Variants in TGFBR3 observed in about 807,000 individuals in gnomAD.
TGFBR3 encodes the protein transforming growth factor beta receptor type 3.
A neutral mutation model predicts 87.9 loss-of-function variants in TGFBR3; 46 were observed. The observed-to-expected ratio is 0.52, with a 90% CI of 0.41 to 0.67. The LOEUF (loss-of-function observed/expected upper bound fraction) is 0.67, where lower values mean the gene tolerates loss of function less well. Among genes scored for constraint, TGFBR3 ranks in the 30% least tolerant of loss-of-function variants. TGFBR3 has a pLI of 0.00. For missense variants in TGFBR3, 866 were observed against 1,041.9 expected (o/e 0.83, Z 2.32); for synonymous variants, 381 against 391.6 (o/e 0.97, Z 0.32).
intron 16 of TGFBR3, among the ~76,000 whole-genome samples, chr1:91,686,291 C>A (rs1373068699): frequency 6.6e-6 from 1 of 152,222 alleles, no homozygotes; most frequent in Non-Finnish European, 1.5e-5. Context: ...GACCTTTCAA[C>A]TTCCCGAGTT....
intron 2 of TGFBR3, among the ~76,000 whole-genome samples, chr1:91,845,962 T>A (rs753354793): frequency 2.2e-4 from 34 of 152,334 alleles, no homozygotes; most frequent in Non-Finnish European, 4.7e-4. Context: ...TTTATTTAGT[T>A]AATGAAAGTT....
At chr1:91,770,080 T>C (rs1336019171) in intron 3 of TGFBR3, among the ~76,000 whole-genome samples, 2 of 152,196 alleles carry the variant, frequency 1.3e-5, no homozygotes, top group East Asian at 3.8e-4. Flanking sequence ...CTGCCTGCCC[T>C]GGTGCAAAGG....
chr1:91,823,532 A>AGC (rs1451209512), intron 2 of TGFBR3, among the ~76,000 whole-genome samples: 34 of 152,256 alleles, frequency 2.2e-4, no homozygotes, highest in Non-Finnish European at 4.3e-4. Flanking sequence ...GAAAACATTC[A>AGC]ACATCAAAAA....
chr1:91,874,747 C>A (rs1678718232), intron 1 of TGFBR3, among the ~76,000 whole-genome samples: 1 of 152,120 alleles, frequency 6.6e-6, no homozygotes, highest in African/African-American at 2.4e-5. Flanking sequence ...CCTGCCTCAG[C>A]CTCCCAAAGT....
At chr1:91,840,108 C>T (rs1007737082) in intron 2 of TGFBR3, among the ~76,000 whole-genome samples, 2 of 151,388 alleles carry the variant, frequency 1.3e-5, no homozygotes, top group African/African-American at 4.9e-5. Context: ...TCAAGAGTTC[C>T]AGACCAGCCT....
At chr1:91,763,929 G>T (rs937369174) in intron 3 of TGFBR3, among the ~76,000 whole-genome samples, 4 of 152,072 alleles carry the variant, frequency 2.6e-5, no homozygotes, top group Non-Finnish European at 5.9e-5. Flanking sequence ...TCACCATTTG[G>T]GAATTGGCAT....
At chr1:91,882,402 G>T (rs112857899) in intron 1 of TGFBR3, among the ~76,000 whole-genome samples, 2,751 of 151,758 alleles carry the variant, frequency 0.018, 87 homozygotes, top group African/African-American at 0.063. Context: ...CTCCCAACAT[G>T]CTGGGATTAC....
chr1:91,758,885 A>C lies in TGFBR3; in HGVS notation c.247-135T>G, dbSNP rs1051561200. On this transcript the variant is annotated intron_variant, in intron 3 of 16. Coordinates refer to ENST00000212355, the MANE Select transcript of TGFBR3 (RefSeq NM_003243.5). Reference sequence around the variant, plus strand: ...GCTATAATGTAGCTCAGATTCTATGAATAAGATACATTAAGTTGAACCAGA... The same window carrying C: ...GCTATAATGTAGCTCAGATTCTATGCATAAGATACATTAAGTTGAACCAGA... 6 of 1,089,372 alleles carry C rather than the reference A, an allele frequency of 5.5e-6. No individual in the cohort carries two copies. In the African/African-American group the frequency reaches 9.3e-5, roughly 17 times the overall value. 67.5% of individuals were successfully genotyped at this position (1,089,372 alleles called of 1,614,324 possible). A position where few individuals can be genotyped will look rare whatever the true frequency, so the allele number is the denominator to read the frequency against.
chr1:91,728,720 A>C (rs1354700135), intron 6 of TGFBR3, among the ~76,000 whole-genome samples: 1 of 152,168 alleles, frequency 6.6e-6, no homozygotes, highest in Non-Finnish European at 1.5e-5. Flanking sequence ...AATCTTATCA[A>C]AACGATCTGT....
chr1:91,825,329 C>T (rs905387507), intron 2 of TGFBR3, among the ~76,000 whole-genome samples: 3 of 152,176 alleles, frequency 2.0e-5, no homozygotes, highest in African/African-American at 7.2e-5. Flanking sequence ...ATACCAAATA[C>T]ATGCTGCAAC....
intron 14 of TGFBR3, among the ~76,000 whole-genome samples, chr1:91,699,431 CTTTTTTTT>C (rs60223260): frequency 1.6e-4 from 13 of 80,840 alleles, no homozygotes; most frequent in East Asian, 1.2e-3. Context: ...CTTTCTTTTG[CTTTTTTTT>C]TTTTTTTTTT....
intron 3 of TGFBR3, among the ~76,000 whole-genome samples, chr1:91,797,071 G>A (rs577643460): frequency 3.9e-5 from 6 of 152,152 alleles, no homozygotes; most frequent in South Asian, 2.1e-4. Flanking sequence ...TTTCCAATAC[G>A]GAGGGCCAGG....
chr1:91,886,819 A>G (rs971857721), upstream of TGFBR3, among the ~76,000 whole-genome samples: 8 of 151,662 alleles, frequency 5.3e-5, no homozygotes, highest in Non-Finnish European at 1.2e-4. Flanking sequence ...ATAAATTAAT[A>G]CAAATAATGG....
At chr1:91,709,826 A>G (rs1671920567) in intron 13 of TGFBR3, among the ~76,000 whole-genome samples, 1 of 152,190 alleles carries the variant, frequency 6.6e-6, no homozygotes, top group Non-Finnish European at 1.5e-5. Flanking sequence ...CAGTGGTACA[A>G]TCATGGCTCA....
At chr1:91,785,915 C>T (rs1674940585) in intron 3 of TGFBR3, among the ~76,000 whole-genome samples, 2 of 151,822 alleles carry the variant, frequency 1.3e-5, no homozygotes, top group Non-Finnish European at 2.9e-5. Context: ...CACAGGTGCA[C>T]ACTACTATGC....
At chr1:91,848,466 G>C (rs1352584304) in intron 2 of TGFBR3, among the ~76,000 whole-genome samples, 1 of 152,098 alleles carries the variant, frequency 6.6e-6, no homozygotes, top group Non-Finnish European at 1.5e-5. Flanking sequence ...AAACAAGATG[G>C]TATATTCCAC....
intron 2 of TGFBR3, among the ~76,000 whole-genome samples, chr1:91,812,280 C>A (rs944180381): frequency 2.0e-5 from 3 of 152,200 alleles, no homozygotes; most frequent in African/African-American, 7.2e-5. Flanking sequence ...CAAAGAACCA[C>A]CTTTCCGCCA....
rs1364649981 is a variant in TGFBR3, at chr1:91,708,681, G to A, written c.2269C>T (p.His757Tyr). ...TFTKPLAVIH[H>Y]EAESKEKGPS... ...AGCACACCTTTAGATTCTGCTTCAT[G>A]GTGGATCACAGCAAGGGGCTTAGTG... The change falls in exon 14 of 17, where the codon CAT becomes TAT. Residue 757 changes from histidine to tyrosine, a missense_variant. Transcript: ENST00000212355. 1 of 1,614,070 alleles carries A rather than the reference G, an allele frequency of 6.2e-7. No individual in the cohort carries two copies. Among genetic ancestry groups the A allele is most frequent in the Non-Finnish European group, 8.5e-7 (1 of 1,179,942 alleles).
intron 16 of TGFBR3, among the ~76,000 whole-genome samples, chr1:91,687,418 T>A (rs900502058): frequency 2.0e-5 from 3 of 152,368 alleles, no homozygotes; most frequent in Non-Finnish European, 4.4e-5. Flanking sequence ...TAGCATGGCA[T>A]GGAGTTGCCC....
Sources: allele counts gnomAD v4.1 joint callset (sites outside exome capture counted in the v4.1 genomes callset), GRCh38; gene constraint gnomAD v4.1.1; transcripts MANE v1.5; gene names NCBI Gene and HGNC (gene_info 2026-07-23, HGNC 2026-07-21).